TENM2: variants seen among roughly 807,000 people sequenced by gnomAD.
TENM2 encodes teneurin-2.
Under a neutral mutation model 245.2 loss-of-function variants are expected in TENM2, and 52 were observed. That is an observed-to-expected ratio of 0.21 (90% CI 0.17 to 0.27). TENM2 has a LOEUF of 0.27. TENM2 is among the 10% of genes least tolerant of loss of function. The pLI is 1.00. For missense variants in TENM2, 3,046 were observed against 3,666.8 expected (o/e 0.83, Z 4.37); for synonymous variants, 1,363 against 1,438.9 (o/e 0.95, Z 1.19).
chr5:168,094,443 A>G (rs542198633), intron 8 of TENM2, among the ~76,000 whole-genome samples: 1 of 152,250 alleles, frequency 6.6e-6, no homozygotes, highest in South Asian at 2.1e-4. Context: ...GTGAGAAGCA[A>G]TCTCTACCTA....
At chr5:168,239,116 G>T (rs1359818783) in intron 25 of TENM2, among the ~76,000 whole-genome samples, 1 of 152,110 alleles carries the variant, frequency 6.6e-6, no homozygotes, top group Non-Finnish European at 1.5e-5. Flanking sequence ...TCTAAACTGG[G>T]GGGGCAGGTA....
At position 167,351,095 on chromosome 5, in the gene TENM2, GAT is replaced by G. The variant is rs113746660; in HGVS notation, c.227-24092_227-24091del. On this transcript the variant is annotated intron_variant, in intron 1 of 28. Coordinates refer to ENST00000518659, the Ensembl canonical transcript of TENM2. ...TATATATATGGGATATATACATATG[GAT>G]ATATATATATGGGATATATACATAT... Among the ~76,000 whole-genome samples the G allele has an allele frequency of 1.2e-3, 95 of 81,298 alleles. 2 individuals are homozygous for G. In the South Asian group the frequency reaches 0.021, roughly 18 times the overall value. 53.3% of individuals were successfully genotyped at this position (81,298 alleles called of 152,430 possible). A position where few individuals can be genotyped will look rare whatever the true frequency, so the allele number is the denominator to read the frequency against.
At position 167,952,896 on chromosome 5, in the gene TENM2, G is replaced by A; in HGVS notation, c.947+74G>A. 5 of 1,243,214 alleles carry A rather than the reference G, an allele frequency of 4.0e-6. No homozygotes were observed. In the South Asian group the frequency reaches 5.2e-5, roughly 13 times the overall value. The allele number at this position is 1,243,214 out of a possible 1,614,324, so 77.0% of individuals were successfully genotyped here. A position where few individuals can be genotyped will look rare whatever the true frequency, so the allele number is the denominator to read the frequency against. ...CTGAGTCACCACACAGAGCCACTGG[G>A]TGTCTCAGAGTTCCAGTCGGAGAGA... On this transcript the variant is annotated intron_variant, in intron 4 of 28. Transcript: ENST00000518659.
chr5:167,116,766 A>G, the TENM2 span: 4 of 152,176 alleles, frequency 2.6e-5, no homozygotes, highest in Admixed American at 2.6e-4. Flanking sequence ...CTAATAATTC[A>G]AAAATTTCTT....
At chr5:168,120,667 T>C (rs1019930109) in intron 10 of TENM2, among the ~76,000 whole-genome samples, 3 of 152,216 alleles carry the variant, frequency 2.0e-5, no homozygotes, top group African/African-American at 2.4e-5. Context: ...ATCTCCTCCG[T>C]TGATTTCTGC....
intron 2 of TENM2, among the ~76,000 whole-genome samples, chr5:167,440,808 C>T (rs1764836018): frequency 1.3e-5 from 2 of 151,930 alleles, no homozygotes; most frequent in African/African-American, 4.8e-5. Context: ...ACTTTTTGTG[C>T]ATCTACAGTG....
chr5:167,862,385 C>G (rs1251909539), intron 2 of TENM2, among the ~76,000 whole-genome samples: 2 of 152,262 alleles, frequency 1.3e-5, no homozygotes, highest in South Asian at 4.2e-4. Context: ...CATGGAAACT[C>G]CCAAAACATC....
At chr5:167,828,993 A>C (rs1245513915) in intron 2 of TENM2, among the ~76,000 whole-genome samples, 1 of 152,160 alleles carries the variant, frequency 6.6e-6, no homozygotes, top group Non-Finnish European at 1.5e-5. Flanking sequence ...TGTTGATAGC[A>C]TCTGGAGAAG....
At chr5:168,107,067 AAG>A (rs1435908769) in intron 9 of TENM2, among the ~76,000 whole-genome samples, 1 of 151,860 alleles carries the variant, frequency 6.6e-6, no homozygotes, top group Non-Finnish European at 1.5e-5. Context: ...CAGAGAGAGA[AAG>A]AGAGAGAGAA....
chr5:167,176,103 AT>A, the TENM2 span, among the ~76,000 whole-genome samples: 3 of 152,154 alleles, frequency 2.0e-5, no homozygotes, highest in Admixed American at 2.0e-4. Context: ...CAGAATCCTC[AT>A]TGCACTTCAA....
chr5:167,129,701 G>C, the TENM2 span, among the ~76,000 whole-genome samples: 8 of 152,154 alleles, frequency 5.3e-5, no homozygotes, highest in Non-Finnish European at 4.4e-5. Context: ...GGAATATAGA[G>C]AGTGTGCAAG....
At chr5:167,730,703 A>C (rs1209363069) in intron 2 of TENM2, among the ~76,000 whole-genome samples, 1 of 152,196 alleles carries the variant, frequency 6.6e-6, no homozygotes, top group Non-Finnish European at 1.5e-5. Flanking sequence ...TGATTTTATT[A>C]ATCCAATTGT....
intron 13 of TENM2, among the ~76,000 whole-genome samples, chr5:168,188,509 G>A (rs565710886): frequency 1.3e-5 from 2 of 152,312 alleles, no homozygotes. Context: ...TCACAGACAG[G>A]TGAGGAATGG....
At chr5:167,981,998 A>G (rs535510969) in intron 4 of TENM2, among the ~76,000 whole-genome samples, 85 of 151,878 alleles carry the variant, frequency 5.6e-4, no homozygotes, top group African/African-American at 1.9e-3. Context: ...AAAAAAAAGA[A>G]AAAAGAAAAA....
chr5:168,189,916 C>T (rs566853141), intron 13 of TENM2, among the ~76,000 whole-genome samples: 1 of 152,230 alleles, frequency 6.6e-6, no homozygotes, highest in South Asian at 2.1e-4. Context: ...CCAGAAATTC[C>T]ATGCATTTTG....
intron 7 of TENM2, among the ~76,000 whole-genome samples, chr5:168,081,906 G>A (rs1156587983): frequency 6.6e-6 from 1 of 152,112 alleles, no homozygotes; most frequent in Non-Finnish European, 1.5e-5. Flanking sequence ...ACAATTATGT[G>A]TCTTGGAGTT....
At chr5:167,633,957 C>T (rs894644295) in intron 2 of TENM2, among the ~76,000 whole-genome samples, 2 of 152,128 alleles carry the variant, frequency 1.3e-5, no homozygotes, top group South Asian at 2.1e-4. Context: ...AATGGTTGGG[C>T]GTTTCCTGAG....
chr5:167,572,199 T>G (rs1393165991), intron 2 of TENM2, among the ~76,000 whole-genome samples: 2 of 152,248 alleles, frequency 1.3e-5, no homozygotes, highest in African/African-American at 4.8e-5. Context: ...ACTTCGAGTT[T>G]AACAAGATTA....
chr5:168,148,873 T>TGATTGATA (rs1554208241), intron 12 of TENM2, among the ~76,000 whole-genome samples: 41 of 144,030 alleles, frequency 2.8e-4, no homozygotes, highest in Non-Finnish European at 5.9e-4. Context: ...TAAATATATA[T>TGATTGATA]GATAGATAGA....
Sources: allele counts gnomAD v4.1 joint callset (sites outside exome capture counted in the v4.1 genomes callset), GRCh38; gene constraint gnomAD v4.1.1; transcripts MANE v1.5; gene names NCBI Gene and HGNC (gene_info 2026-07-23, HGNC 2026-07-21).